The following ASIC2 variants were observed in gnomAD, a reference collection of about 807,000 sequenced individuals.
ASIC2 encodes acid sensing ion channel subunit 2, also known as acid-sensing ion channel 2.
Under a neutral mutation model 57.3 loss-of-function variants are expected in ASIC2, and 25 were observed. The observed-to-expected ratio is 0.44, with a 90% confidence interval of 0.32 to 0.61. The LOEUF is 0.61. Ranked by LOEUF, ASIC2 falls within the 20% of genes least tolerant of loss-of-function variation. The pLI is 0.06. For missense variants in ASIC2, 641 were observed against 738.1 expected (o/e 0.87, Z 1.52); for synonymous variants, 319 against 307.5 (o/e 1.04, Z -0.39).
chr17:33,114,038 A>G (rs2092270781), intron 1 of ASIC2, among the ~76,000 whole-genome samples: 1 of 152,174 alleles, frequency 6.6e-6, no homozygotes. Context: ...GGACTGCAAA[A>G]AAGTACAAGC....
chr17:33,663,459 T>TC (rs1230479363), intron 1 of ASIC2, among the ~76,000 whole-genome samples: 6 of 152,014 alleles, frequency 3.9e-5, no homozygotes, highest in African/African-American at 1.2e-4. Flanking sequence ...GTTTTTTTTT[T>TC]TTCTTCTTCT....
At chr17:33,568,776 T>C (rs1428157453) in intron 1 of ASIC2, among the ~76,000 whole-genome samples, 1 of 152,240 alleles carries the variant, frequency 6.6e-6, no homozygotes, top group Non-Finnish European at 1.5e-5. Context: ...ATGCCTGATA[T>C]ATTCCTTTAC....
chr17:33,167,633 T>C (rs144217085), intron 1 of ASIC2, among the ~76,000 whole-genome samples: 74 of 152,352 alleles, frequency 4.9e-4, no homozygotes, highest in African/African-American at 1.6e-3. Context: ...CACTGCCTAC[T>C]GTATTAAGCA....
At chr17:33,197,771 G>C (rs1174464063) in intron 1 of ASIC2, among the ~76,000 whole-genome samples, 1 of 152,212 alleles carries the variant, frequency 6.6e-6, no homozygotes, top group East Asian at 1.9e-4. Context: ...CCTGGGTACT[G>C]GTTCTGGTCT....
chr17:33,559,885 G>A (rs1280773021), intron 1 of ASIC2, among the ~76,000 whole-genome samples: 2 of 152,162 alleles, frequency 1.3e-5, no homozygotes, highest in Admixed American at 1.3e-4. Context: ...ATTTTTGGCT[G>A]ACAGAACAAC....
intron 1 of ASIC2, among the ~76,000 whole-genome samples, chr17:33,834,944 A>C (rs932991299): frequency 1.3e-5 from 2 of 152,130 alleles, no homozygotes; most frequent in African/African-American, 4.8e-5. Flanking sequence ...TAGTAAAAGG[A>C]AAAGGGGGTA....
At chr17:34,130,484 G>T (rs1277976466) in intron 1 of ASIC2, among the ~76,000 whole-genome samples, 2 of 152,240 alleles carry the variant, frequency 1.3e-5, no homozygotes, top group Admixed American at 6.5e-5. Flanking sequence ...ACATTTACTG[G>T]ACATCATCTA....
At chr17:33,747,961 T>A (rs1402011581) in intron 1 of ASIC2, among the ~76,000 whole-genome samples, 2 of 152,244 alleles carry the variant, frequency 1.3e-5, no homozygotes, top group Admixed American at 1.3e-4. Flanking sequence ...GAGCTAGACA[T>A]TCTGCATTCT....
At chr17:33,328,258 G>A (rs1907158560) in intron 1 of ASIC2, among the ~76,000 whole-genome samples, 1 of 152,144 alleles carries the variant, frequency 6.6e-6, no homozygotes, top group African/African-American at 2.4e-5. Context: ...TGGTTGTTCT[G>A]GGCACAGTGA....
intron 1 of ASIC2, chr17:33,794,079 A>G (rs1911847975): frequency 6.6e-6 from 1 of 152,240 alleles, no homozygotes; most frequent in Non-Finnish European, 1.5e-5. Context: ...TGAATGGTCT[A>G]TTCAAAATTA....
chr17:33,304,385 C>A (rs1173702921), intron 1 of ASIC2, among the ~76,000 whole-genome samples: 1 of 152,180 alleles, frequency 6.6e-6, no homozygotes, highest in Non-Finnish European at 1.5e-5. Context: ...AAAATCCAAG[C>A]AAGCTTACCA....
intron 1 of ASIC2, among the ~76,000 whole-genome samples, chr17:34,025,388 C>A (rs1293590718): frequency 1.3e-5 from 2 of 152,174 alleles, no homozygotes; most frequent in African/African-American, 4.8e-5. Flanking sequence ...GAAAGTTGCA[C>A]CCCCTCGTGG....
At chr17:33,183,152 A>G (rs930814482) in intron 1 of ASIC2, among the ~76,000 whole-genome samples, 1 of 152,222 alleles carries the variant, frequency 6.6e-6, no homozygotes, top group African/African-American at 2.4e-5. Context: ...CCCCACTCCT[A>G]AGTGTAATCC....
At chr17:34,082,885 G>A (rs1029598283) in intron 1 of ASIC2, among the ~76,000 whole-genome samples, 2 of 152,166 alleles carry the variant, frequency 1.3e-5, no homozygotes, top group Non-Finnish European at 2.9e-5. Context: ...TCCTTCTTCT[G>A]CTTCATTTCT....
intron 1 of ASIC2, among the ~76,000 whole-genome samples, chr17:33,911,756 A>T (rs1915467179): frequency 6.6e-6 from 1 of 152,172 alleles, no homozygotes. Flanking sequence ...AGCTTAATGT[A>T]TTCTCAAGCT....
At chr17:33,959,991 G>A (rs995427319) in intron 1 of ASIC2, among the ~76,000 whole-genome samples, 3 of 152,274 alleles carry the variant, frequency 2.0e-5, no homozygotes, top group Non-Finnish European at 4.4e-5. Context: ...CATGGACTTT[G>A]TCTATGCTAA....
intron 1 of ASIC2, among the ~76,000 whole-genome samples, chr17:33,479,290 C>A (rs1000349915): frequency 6.6e-6 from 1 of 152,110 alleles, no homozygotes; most frequent in Non-Finnish European, 1.5e-5. Context: ...TGAGCCACCA[C>A]GTCCGGCCCC....
intron 1 of ASIC2, among the ~76,000 whole-genome samples, chr17:33,316,722 T>C (rs1906671603): frequency 6.6e-6 from 1 of 152,244 alleles, no homozygotes; most frequent in African/African-American, 2.4e-5. Flanking sequence ...GCTGGAAATA[T>C]ACACAGTAAT....
intron 1 of ASIC2, among the ~76,000 whole-genome samples, chr17:34,129,005 C>G (rs1423247059): frequency 6.6e-6 from 1 of 152,116 alleles, no homozygotes; most frequent in Non-Finnish European, 1.5e-5. Context: ...AGGGAGTGAA[C>G]ATGAATACAC....
Sources: allele counts gnomAD v4.1 joint callset (sites outside exome capture counted in the v4.1 genomes callset), GRCh38; gene constraint gnomAD v4.1.1; transcripts MANE v1.5; gene names NCBI Gene and HGNC (gene_info 2026-07-23, HGNC 2026-07-21).